MKX: variants seen among roughly 807,000 people sequenced by gnomAD.
MKX encodes the protein mohawk homeobox, also known as homeobox protein Mohawk.
MKX carries 13 observed loss-of-function variants against 36.0 expected under a neutral mutation model. The ratio of observed to expected loss-of-function variants is 0.36; its 90% CI spans 0.24 to 0.57. The LOEUF (loss-of-function observed/expected upper bound fraction) is 0.57. MKX is among the 20% of genes least tolerant of loss of function. The pLI is 0.79. For missense variants in MKX, 458 were observed against 456.4 expected (o/e 1.00, Z -0.03); for synonymous variants, 176 against 178.3 (o/e 0.99, Z 0.10).
chr10:27,702,170 CA>C (rs746565363), intron 5 of MKX, among the ~76,000 whole-genome samples: 16 of 152,102 alleles, frequency 1.1e-4, no homozygotes, highest in Non-Finnish European at 1.6e-4. Flanking sequence ...CGGACAAAGC[CA>C]AAAGCATCTC....
chr10:27,709,710 C>T (rs1294580584), intron 5 of MKX, among the ~76,000 whole-genome samples: 2 of 152,218 alleles, frequency 1.3e-5, no homozygotes, highest in Admixed American at 6.5e-5. Flanking sequence ...ACTTCCCTCT[C>T]GATGCCTCTT....
At chr10:27,743,601 G>C (rs1310467639) in intron 1 of MKX, 104 bp from the exon 2 acceptor site, 1 of 617,424 alleles carries the variant, frequency 1.6e-6, no homozygotes, top group Non-Finnish European at 2.6e-6. Flanking sequence ...GCGGAGCCGA[G>C]GGGAGGAGCG....
intron 5 of MKX, among the ~76,000 whole-genome samples, chr10:27,698,552 T>G (rs1836596015): frequency 6.6e-6 from 1 of 152,026 alleles, no homozygotes; most frequent in Admixed American, 6.6e-5. Flanking sequence ...GATTTCTGCC[T>G]TGGGTGACTG....
intron 5 of MKX, among the ~76,000 whole-genome samples, chr10:27,724,679 G>T (rs1472676368): frequency 6.6e-6 from 1 of 151,744 alleles, no homozygotes; most frequent in East Asian, 1.9e-4. Flanking sequence ...AAGGCAGAGG[G>T]GAGATGCCAC....
At chr10:27,712,411 T>C (rs1341465371) in intron 5 of MKX, among the ~76,000 whole-genome samples, 2 of 152,154 alleles carry the variant, frequency 1.3e-5, no homozygotes, top group Non-Finnish European at 2.9e-5. Context: ...GGTCTGAGCA[T>C]GGAACAGAGT....
chr10:27,734,461 C>T lies in MKX; in HGVS notation c.833G>A (p.Arg278His), dbSNP rs760287864. ...TACAGAAAGCACGGACTTACCTGTG[C>T]GATAGACAAAGTTGCCTTCAGTTTC... ...SSETEGNFVY[R>H]TDTLENGSNK... The change falls in exon 5 of 7, where the codon CGC (arginine) becomes CAC (histidine). Residue 278 changes from arginine (R) to histidine (H), a missense_variant. Coordinates refer to ENST00000419761, the MANE Select transcript of MKX (RefSeq NM_173576.3). 2.3e-5 allele frequency: 37 copies of T among 1,613,304 alleles called. No individual in the cohort carries two copies. In the African/African-American group the frequency reaches 3.5e-4, roughly 15 times the overall value.
chr10:27,714,057 G>A (rs1011530153), intron 5 of MKX, among the ~76,000 whole-genome samples: 1 of 147,012 alleles, frequency 6.8e-6, no homozygotes, highest in African/African-American at 2.5e-5. Context: ...TTCTCTGCAT[G>A]GCAACAGGCA....
At chr10:27,702,958 T>G (rs1170661254) in intron 5 of MKX, among the ~76,000 whole-genome samples, 2 of 152,198 alleles carry the variant, frequency 1.3e-5, no homozygotes, top group African/African-American at 4.8e-5. Context: ...ATTTCACTTT[T>G]TTACAAGAAG....
intron 5 of MKX, among the ~76,000 whole-genome samples, chr10:27,693,019 C>T (rs1836483093): frequency 6.6e-6 from 1 of 152,182 alleles, no homozygotes; most frequent in African/African-American, 2.4e-5. Flanking sequence ...AGAGAGGATC[C>T]TATCTAGGCC....
chr10:27,678,622 G>T (rs1836197375), intron 5 of MKX, among the ~76,000 whole-genome samples: 1 of 152,186 alleles, frequency 6.6e-6, no homozygotes, highest in Non-Finnish European at 1.5e-5. Context: ...GTTATGGGTT[G>T]CAGAACCCGT....
At position 27,691,567 on chromosome 10, in the gene MKX, A is replaced by AT. The variant is rs545179906; in HGVS notation, c.839-16014dup. Among the ~76,000 whole-genome samples, 249 of 152,198 alleles carry AT rather than the reference A, an allele frequency of 1.6e-3. 1 individual carries two copies. The highest frequency in any genetic ancestry group is 5.7e-3 in the African/African-American group (236 of 41,520). On this transcript the variant is annotated intron_variant, in intron 5 of 6. Coordinates refer to ENST00000419761, the MANE Select transcript of MKX (RefSeq NM_173576.3). ...TTTTTTTGTAATAATTTCAACTACT[A>AT]TTTTAAATTCAGGAGGTACATATGC... is the stretch of plus-strand genomic sequence containing the variant.
chr10:27,678,758 G>A (rs1011302268), intron 5 of MKX, among the ~76,000 whole-genome samples: 3 of 152,174 alleles, frequency 2.0e-5, no homozygotes, highest in African/African-American at 7.2e-5. Flanking sequence ...GCAGCCCCAT[G>A]AGCTCCTGGC....
chr10:27,702,574 C>T (rs920797993), intron 5 of MKX, among the ~76,000 whole-genome samples: 1 of 152,172 alleles, frequency 6.6e-6, no homozygotes, highest in African/African-American at 2.4e-5. Flanking sequence ...TATATTCAGT[C>T]AAGGCTATCA....
chr10:27,707,851 T>C (rs1353247484), intron 5 of MKX, among the ~76,000 whole-genome samples: 2 of 152,258 alleles, frequency 1.3e-5, no homozygotes, highest in African/African-American at 4.8e-5. Context: ...AGCATATTTT[T>C]CTAAATGGAA....
Position 27,686,294 on chromosome 10 carries a change from G to A in MKX, c.839-10740C>T, listed in dbSNP as rs148811464. Among the ~76,000 whole-genome samples the A allele has an allele frequency of 1.6e-3, 235 of 151,438 alleles. 1 individual carries two copies. Among genetic ancestry groups the A allele is most frequent in the Non-Finnish European group, 1.9e-3 (128 of 67,936 alleles). On this transcript the variant is annotated intron_variant, in intron 5 of 6. Coordinates refer to ENST00000419761, the MANE Select transcript of MKX (RefSeq NM_173576.3). Reference sequence around the variant, plus strand: ...TAGACTAGCTAAATTATTTATCCTCGGGGTATAAACAATGAGAGGCATCCG... The same window carrying A: ...TAGACTAGCTAAATTATTTATCCTCAGGGTATAAACAATGAGAGGCATCCG...
intron 5 of MKX, among the ~76,000 whole-genome samples, chr10:27,728,856 G>T (rs1398788645): frequency 6.6e-6 from 1 of 152,194 alleles, no homozygotes; most frequent in African/African-American, 2.4e-5. Context: ...GGAGATGGCA[G>T]TTGGACTTGT....
chr10:27,730,860 C>G (rs556139980), intron 5 of MKX, among the ~76,000 whole-genome samples: 1 of 151,682 alleles, frequency 6.6e-6, no homozygotes, highest in Non-Finnish European at 1.5e-5. Context: ...GGCAGCCGGG[C>G]GCGGTGGCTC....
intron 5 of MKX, among the ~76,000 whole-genome samples, chr10:27,704,145 A>T (rs1025276388): frequency 7.2e-5 from 11 of 152,222 alleles, no homozygotes; most frequent in African/African-American, 2.4e-4. Context: ...ATTTTATAAG[A>T]AGTGTTCAAG....
intron 5 of MKX, among the ~76,000 whole-genome samples, chr10:27,720,573 G>A (rs1834354843): frequency 6.6e-6 from 1 of 152,092 alleles, no homozygotes; most frequent in Non-Finnish European, 1.5e-5. Flanking sequence ...TGTTGTAAAT[G>A]CAATGACCTA....
Sources: allele counts gnomAD v4.1 joint callset (sites outside exome capture counted in the v4.1 genomes callset), GRCh38; gene constraint gnomAD v4.1.1; transcripts MANE v1.5; gene names NCBI Gene and HGNC (gene_info 2026-07-23, HGNC 2026-07-21).